Variants in TRIM2 observed in about 807,000 individuals in gnomAD.
TRIM2 encodes the protein tripartite motif containing 2.
Under a neutral mutation model 75.2 loss-of-function variants are expected in TRIM2, and 20 were observed. The ratio of observed to expected loss-of-function variants is 0.27; its 90% CI spans 0.19 to 0.39. The LOEUF (loss-of-function observed/expected upper bound fraction) is 0.39, where lower values mean the gene tolerates loss of function less well. Among genes scored for constraint, TRIM2 ranks in the 10% least tolerant of loss-of-function variants. TRIM2 has a pLI of 1.00. For missense variants in TRIM2, 660 were observed against 990.8 expected, an observed-to-expected ratio of 0.67 and a Z score of 4.48; for synonymous variants, 373 against 388.3, an observed-to-expected ratio of 0.96 and a Z score of 0.46.
intron 1 of TRIM2, among the ~76,000 whole-genome samples, chr4:153,242,025 A>G (rs1216476187): frequency 6.6e-6 from 1 of 152,244 alleles, no homozygotes; most frequent in East Asian, 1.9e-4. Flanking sequence ...TGGGAATTCT[A>G]CTGAGGCCCA....
At chr4:153,334,233 A>T (rs901296097) in intron 11 of TRIM2, among the ~76,000 whole-genome samples, 1 of 152,154 alleles carries the variant, frequency 6.6e-6, no homozygotes, top group African/African-American at 2.4e-5. Flanking sequence ...CTAGCAGCCA[A>T]TGGCATATTC....
intron 1 of TRIM2, among the ~76,000 whole-genome samples, chr4:153,230,284 G>A (rs550722550): frequency 2.0e-5 from 3 of 152,160 alleles, no homozygotes; most frequent in East Asian, 1.9e-4. Context: ...GGGCTCAAGC[G>A]ATCCTCCCAT....
chr4:153,294,232 TGTA>T, intron 4 of TRIM2, 70 bp from the exon 5 acceptor site: 1 of 1,483,466 alleles, frequency 6.7e-7, no homozygotes, highest in Non-Finnish European at 9.1e-7. Context: ...TTAAACAAAA[TGTA>T]GTGTTTAGAT....
intron 1 of TRIM2, among the ~76,000 whole-genome samples, chr4:153,270,097 T>A (rs570723098): frequency 3.3e-5 from 5 of 151,866 alleles, no homozygotes; most frequent in East Asian, 1.9e-4. Context: ...CCCGGCTAAT[T>A]TTTTGTATTT....
chr4:153,194,578 C>T (rs1009279336), intron 1 of TRIM2, among the ~76,000 whole-genome samples: 2 of 152,006 alleles, frequency 1.3e-5, no homozygotes, highest in African/African-American at 4.8e-5. Flanking sequence ...GGGGATGGAG[C>T]TGGGGGATGC....
At chr4:153,237,763 C>T (rs1432638460) in intron 1 of TRIM2, among the ~76,000 whole-genome samples, 1 of 152,098 alleles carries the variant, frequency 6.6e-6, no homozygotes. Flanking sequence ...TACATACATA[C>T]TTTCTACTTT....
chr4:153,301,183 T>A (rs1214155994), intron 6 of TRIM2, among the ~76,000 whole-genome samples: 1 of 149,664 alleles, frequency 6.7e-6, no homozygotes, highest in East Asian at 1.9e-4. Context: ...AGAGCGAGAC[T>A]CTATCTCAAA....
At chr4:153,235,175 T>C (rs903293747) in intron 1 of TRIM2, among the ~76,000 whole-genome samples, 3 of 152,210 alleles carry the variant, frequency 2.0e-5, no homozygotes, top group Non-Finnish European at 4.4e-5. Flanking sequence ...TTGAAGTCAC[T>C]AATCATTGGT....
At chr4:153,282,311 G>A (rs1759532296) in intron 3 of TRIM2, among the ~76,000 whole-genome samples, 1 of 152,158 alleles carries the variant, frequency 6.6e-6, no homozygotes, top group African/African-American at 2.4e-5. Flanking sequence ...TCATTTCAGG[G>A]CCTTGGCTTC....
intron 1 of TRIM2, among the ~76,000 whole-genome samples, chr4:153,161,857 A>G (rs1729769167): frequency 6.6e-6 from 1 of 152,220 alleles, no homozygotes; most frequent in African/African-American, 2.4e-5. Flanking sequence ...CTCTGCAGCT[A>G]ACTTATTAGG....
Position 153,337,155 on chromosome 4 carries a change from A to G in TRIM2, c.*2189A>G. 2 of 985,468 alleles carry G rather than the reference A, an allele frequency of 2.0e-6. No homozygotes were observed. The highest frequency in any genetic ancestry group is 2.4e-6 in the Non-Finnish European group (2 of 829,938). The allele number at this position is 985,468 out of a possible 1,614,324, so 61.0% of individuals were successfully genotyped here. A position where few individuals can be genotyped will look rare whatever the true frequency, so the allele number is the denominator to read the frequency against. ...TAGACTCTTGTCTAGATTGTTTAAA[A>G]GAAACTTTTCAAATTGGTTACATTA... On this transcript the variant is annotated 3_prime_UTR_variant, in exon 12 of 12. Coordinates refer to ENST00000338700, the MANE Select transcript of TRIM2 (RefSeq NM_015271.5).
At chr4:153,269,611 CAT>C (rs1756128178) in intron 1 of TRIM2, among the ~76,000 whole-genome samples, 1 of 152,154 alleles carries the variant, frequency 6.6e-6, no homozygotes. Context: ...GTTGGAAAAA[CAT>C]ATTCAATTTC....
chr4:153,208,795 T>A (rs184777698), intron 1 of TRIM2, among the ~76,000 whole-genome samples: 1 of 152,028 alleles, frequency 6.6e-6, no homozygotes, highest in Admixed American at 6.6e-5. Context: ...ACTGCATCCA[T>A]CCCGATGGAG....
Position 153,326,972 on chromosome 4 carries a change from TC to T in TRIM2, c.2023-1556del, listed in dbSNP as rs1376887745. Among the ~76,000 whole-genome samples, 16 of 79,832 alleles carry T rather than the reference TC, an allele frequency of 2.0e-4. No individual in the cohort carries two copies. The East Asian group carries it at 4.8e-3, about 24-fold the overall frequency. 52.4% of individuals were successfully genotyped at this position (79,832 alleles called of 152,430 possible). A position where few individuals can be genotyped will look rare whatever the true frequency, so the allele number is the denominator to read the frequency against. On this transcript the variant is annotated intron_variant, in intron 10 of 11. Coordinates refer to ENST00000338700, the MANE Select transcript of TRIM2 (RefSeq NM_015271.5). ...TCCAGCCTGGGTGACAGAATAAGAC[TC>T]CATCTCAAAAAAAAAAAAAAAAAAA...
chr4:153,317,623 C>T (rs1767966115), intron 8 of TRIM2, among the ~76,000 whole-genome samples: 2 of 150,110 alleles, frequency 1.3e-5, no homozygotes, highest in South Asian at 4.2e-4. Context: ...GCACTCCAGC[C>T]TGGGCGACAA....
At chr4:153,227,017 G>A (rs770864464) in intron 1 of TRIM2, among the ~76,000 whole-genome samples, 1 of 152,156 alleles carries the variant, frequency 6.6e-6, no homozygotes, top group South Asian at 2.1e-4. Flanking sequence ...AGTCCTGGTG[G>A]TACCTTTAGG....
In TRIM2 at chr4:153,315,873, A is replaced by G. The variant is rs767256297; in HGVS notation, c.1656A>G (p.Ile552Met). 7 of 1,614,168 alleles carry G rather than the reference A, an allele frequency of 4.3e-6. No individual in the cohort carries two copies. In the South Asian group the frequency reaches 5.5e-5, roughly 13 times the overall value. Residue 552 changes from isoleucine to methionine, a missense_variant, in exon 8 of 12, where the codon ATA becomes ATG. Physicochemically the swap from Ile to Met is conservative, Grantham distance 10. Around this residue, in one of 2 missense-constraint regions of TRIM2, gnomAD observed 620 missense variants for 891.0 expected, o/e 0.70. Transcript: ENST00000338700. ...NDGQFKSRFG[I>M]RGRSPGQLQR... Reference sequence around the variant, plus strand: ...GCCAGTTCAAAAGTCGTTTTGGCATACGGGGACGCTCTCCGGGGCAGCTGC... The same window carrying G: ...GCCAGTTCAAAAGTCGTTTTGGCATGCGGGGACGCTCTCCGGGGCAGCTGC...
intron 6 of TRIM2, among the ~76,000 whole-genome samples, chr4:153,304,459 A>C (rs1033137590): frequency 6.6e-6 from 1 of 152,100 alleles, no homozygotes; most frequent in African/African-American, 2.4e-5. Flanking sequence ...AAGAGAAATA[A>C]TTTGTCAGAT....
In TRIM2 at chr4:153,339,287, C is replaced by A. The variant is rs1322360202; in HGVS notation, c.*4321C>A. On this transcript the variant is annotated 3_prime_UTR_variant, in exon 12 of 12. Transcript: ENST00000338700. ...TATCTCTTTACCATGCACAAAATCTCAAATCATTATAATAAAGCTTGTTTT... is the reference window on the plus strand; with the variant it reads ...TATCTCTTTACCATGCACAAAATCTAAAATCATTATAATAAAGCTTGTTTT... The A allele has an allele frequency of 1.5e-5, 10 of 682,310 alleles. No individual in the cohort carries two copies. The highest frequency in any genetic ancestry group is 1.8e-5 in the Non-Finnish European group (10 of 553,112). 42.3% of individuals were successfully genotyped at this position (682,310 alleles called of 1,614,324 possible).
Sources: gnomAD v4.1 joint callset for allele counts (sites outside exome capture counted in the v4.1 genomes callset) on GRCh38, gnomAD v4.1.1 for gene constraint, gnomAD v4.1.1 regional missense constraint, MANE v1.5 for transcripts, NCBI Gene and HGNC (gene_info 2026-07-23, HGNC 2026-07-21) for gene names.